The following PEBP4 variants were observed in gnomAD, a reference collection of about 807,000 sequenced individuals.
PEBP4 encodes the protein phosphatidylethanolamine-binding protein 4.
PEBP4 carries 22 observed loss-of-function variants against 23.9 expected under a neutral mutation model. The ratio of observed to expected loss-of-function variants is 0.92; its 90% confidence interval spans 0.66 to 1.31. The LOEUF (loss-of-function observed/expected upper bound fraction) is 1.31, where lower values mean the gene tolerates loss of function less well. Ranked by LOEUF, PEBP4 falls within the 40% of genes most tolerant of loss-of-function variation. The pLI is 0.00. For synonymous variants in PEBP4, 112 were observed against 99.3 expected (o/e 1.13, Z -0.76); for missense variants, 324 against 281.7 (o/e 1.15, Z -1.07).
At chr8:22,811,573 C>A (rs570659282) in intron 4 of PEBP4, among the ~76,000 whole-genome samples, 1 of 152,276 alleles carries the variant, frequency 6.6e-6, no homozygotes, top group East Asian at 1.9e-4. Flanking sequence ...GGGGCTGCAG[C>A]CCCAAATGTG....
intron 3 of PEBP4, among the ~76,000 whole-genome samples, chr8:22,875,030 A>T (rs1472087642): frequency 4.0e-5 from 6 of 151,376 alleles, no homozygotes; most frequent in Non-Finnish European, 8.8e-5. Flanking sequence ...GGGGTCTGTG[A>T]CTTCTTCTCT....
intron 3 of PEBP4, among the ~76,000 whole-genome samples, chr8:22,891,587 A>G (rs1188519307): frequency 6.6e-6 from 1 of 152,214 alleles, no homozygotes; most frequent in Non-Finnish European, 1.5e-5. Flanking sequence ...TGCAAAATTC[A>G]GGGTCCTGTG....
At chr8:22,720,937 T>A (rs1341061201) in intron 6 of PEBP4, among the ~76,000 whole-genome samples, 1 of 152,202 alleles carries the variant, frequency 6.6e-6, no homozygotes, top group African/African-American at 2.4e-5. Flanking sequence ...GCTGAGCGAA[T>A]GCAGAAGGCA....
At chr8:22,905,291 A>T (rs1808788068) in intron 3 of PEBP4, among the ~76,000 whole-genome samples, 1 of 151,844 alleles carries the variant, frequency 6.6e-6, no homozygotes, top group Admixed American at 6.6e-5. Context: ...TTTTAAAAAA[A>T]AAAATAGGCT....
Position 22,783,446 on chromosome 8 carries a change from G to A in PEBP4, c.357+34191C>T, listed in dbSNP as rs568999907. ...CCTGGAACTGCCCTGTAGGGGTGAC[G>A]CCCTCCAAAGGCAGTGGCGCAGCTG... On this transcript the variant is annotated intron_variant, in intron 4 of 6. Transcript: ENST00000256404. Among the ~76,000 whole-genome samples the A allele has an allele frequency of 2.8e-4, 43 of 152,258 alleles. 1 individual carries two copies. Among genetic ancestry groups the A allele is most frequent in the African/African-American group, 1.0e-3 (43 of 41,566 alleles).
chr8:22,750,422 A>G (rs761560205), intron 4 of PEBP4, among the ~76,000 whole-genome samples: 8 of 152,244 alleles, frequency 5.3e-5, no homozygotes, highest in Non-Finnish European at 8.8e-5. Context: ...TTTATGATAC[A>G]TTAATGCTTT....
chr8:22,733,104 C>T (rs1421832488), intron 4 of PEBP4, among the ~76,000 whole-genome samples: 1 of 152,224 alleles, frequency 6.6e-6, no homozygotes, highest in Non-Finnish European at 1.5e-5. Flanking sequence ...GGCAACCATC[C>T]AACTGGTTGA....
intron 3 of PEBP4, among the ~76,000 whole-genome samples, chr8:22,878,799 G>A (rs901512039): frequency 1.3e-5 from 2 of 152,216 alleles, no homozygotes; most frequent in Non-Finnish European, 2.9e-5. Flanking sequence ...GGGGAAAATA[G>A]CCCTCCTTTT....
intron 6 of PEBP4, among the ~76,000 whole-genome samples, chr8:22,714,710 A>T (rs1296958784): frequency 6.6e-6 from 1 of 151,232 alleles, no homozygotes; most frequent in Non-Finnish European, 1.5e-5. Context: ...AGCTCTCAGA[A>T]CCCCACTTGA....
chr8:22,761,815 CTT>C (rs1805512847), intron 4 of PEBP4, among the ~76,000 whole-genome samples: 3 of 152,118 alleles, frequency 2.0e-5, no homozygotes, highest in South Asian at 2.1e-4. Flanking sequence ...CGCTCTCTCT[CTT>C]TCTCTCTTTT....
rs187818107 is a variant in PEBP4, at chr8:22,883,628, T to C, written c.258+36556A>G. On this transcript the variant is annotated intron_variant, in intron 3 of 6. Transcript: ENST00000256404. ...GAGTCGTCTTGAACCTTGCGTGGTG[T>C]TACCTCTAATTTTGCAGCCTGCTAG... 2.2e-4 allele frequency among the ~76,000 whole-genome samples: 33 copies of C among 152,354 alleles called. No homozygotes were observed. The East Asian group carries it at 6.2e-3, about 28-fold the overall frequency.
rs764608994 is a variant in PEBP4 at position 22,775,367 on chromosome 8, G to A, written c.357+42270C>T. On this transcript the variant is annotated intron_variant, in intron 4 of 6. Coordinates refer to ENST00000256404, the MANE Select transcript of PEBP4 (RefSeq NM_144962.3). This position sits in a 1 kb window ranked among gnomAD's most constrained non-coding sequence, Gnocchi z 4.8. ...AGAAGCCTCCGGGTGGTCTCTGCTG[G>A]GTGGGCCCAGCTGTCGAGGCCCAGG... Among the ~76,000 whole-genome samples, 1 of 152,226 alleles carries A rather than the reference G, an allele frequency of 6.6e-6. No individual in the cohort carries two copies. The highest frequency in any genetic ancestry group is 2.4e-5 in the African/African-American group (1 of 41,448).
rs1370814573 is a variant in PEBP4 at position 22,741,243 on chromosome 8, A to G, written c.358-14023T>C. 7.9e-5 allele frequency among the ~76,000 whole-genome samples: 12 copies of G among 152,254 alleles called. No individual in the cohort carries two copies. In the South Asian group the frequency reaches 1.9e-3, roughly 24 times the overall value. On this transcript the variant is annotated intron_variant, in intron 4 of 6. Coordinates refer to ENST00000256404, the MANE Select transcript of PEBP4 (RefSeq NM_144962.3). Reference sequence around the variant, plus strand: ...CCATCTCTGCTGAGCTGCCGTTCTCACGTGCCTTGGTCATGCCAAGGCCTG... The same window carrying G: ...CCATCTCTGCTGAGCTGCCGTTCTCGCGTGCCTTGGTCATGCCAAGGCCTG...
At chr8:22,784,809 C>T (rs1164325075) in intron 4 of PEBP4, among the ~76,000 whole-genome samples, 1 of 152,170 alleles carries the variant, frequency 6.6e-6, no homozygotes, top group African/African-American at 2.4e-5. Flanking sequence ...CTGATTCACT[C>T]GCCGCTTTGG....
At chr8:22,750,494 A>G (rs764835909) in intron 4 of PEBP4, among the ~76,000 whole-genome samples, 1 of 152,110 alleles carries the variant, frequency 6.6e-6, no homozygotes, top group Admixed American at 6.5e-5. Flanking sequence ...TCTGGGCAGA[A>G]TTTTTTCTTC....
chr8:22,832,185 G>C (rs551493344), intron 3 of PEBP4, among the ~76,000 whole-genome samples: 1 of 152,284 alleles, frequency 6.6e-6, no homozygotes, highest in East Asian at 1.9e-4. Context: ...ATGCTGATAG[G>C]GGCTGCATGT....
chr8:22,831,496 G>A (rs1325594754), intron 3 of PEBP4, among the ~76,000 whole-genome samples: 1 of 152,104 alleles, frequency 6.6e-6, no homozygotes, highest in East Asian at 1.9e-4. Flanking sequence ...CATTCAACAA[G>A]CATTGATTGA....
intron 3 of PEBP4, among the ~76,000 whole-genome samples, chr8:22,918,259 T>C (rs1431158103): frequency 2.6e-5 from 4 of 151,970 alleles, no homozygotes; most frequent in African/African-American, 7.2e-5. Flanking sequence ...TAGAATACTA[T>C]GTTTTTCTTC....
intron 3 of PEBP4, among the ~76,000 whole-genome samples, chr8:22,829,269 T>C (rs1258980554): frequency 6.6e-6 from 1 of 152,110 alleles, no homozygotes; most frequent in African/African-American, 2.4e-5. Flanking sequence ...ACAGAAGAGG[T>C]TGGCCCCACC....
Sources: allele counts gnomAD v4.1 joint callset (sites outside exome capture counted in the v4.1 genomes callset), GRCh38; gene constraint gnomAD v4.1.1; non-coding constraint Gnocchi (gnomAD v3.1); transcripts MANE v1.5; gene names NCBI Gene and HGNC (gene_info 2026-07-23, HGNC 2026-07-21).